FAM222A: variants seen among roughly 807,000 people sequenced by gnomAD.
The protein encoded by FAM222A is protein FAM222A.
A neutral mutation model predicts 25.8 loss-of-function variants in FAM222A; 7 were observed. The observed-to-expected ratio is 0.27, with a 90% confidence interval of 0.15 to 0.51. The LOEUF (loss-of-function observed/expected upper bound fraction) is 0.51, where lower values mean the gene tolerates loss of function less well. FAM222A is among the 20% of genes least tolerant of loss of function. The pLI, the probability that FAM222A is intolerant of heterozygous loss-of-function variation, is 0.97. For missense variants in FAM222A, 573 were observed against 640.5 expected, an observed-to-expected ratio of 0.89 and a Z score of 1.14; for synonymous variants, 294 against 298.8, an observed-to-expected ratio of 0.98 and a Z score of 0.17.
intron 2 of FAM222A, among the ~76,000 whole-genome samples, chr12:109,751,893 T>A (rs961810887): frequency 6.6e-6 from 1 of 152,210 alleles, no homozygotes; most frequent in Non-Finnish European, 1.5e-5. Context: ...CTTTTTTGTT[T>A]AGGGGTTTAG....
chr12:109,725,990 T>C (rs184564020), intron 1 of FAM222A, among the ~76,000 whole-genome samples: 2 of 152,018 alleles, frequency 1.3e-5, no homozygotes, highest in Admixed American at 1.3e-4. Flanking sequence ...AGGGGGACTT[T>C]GTGTAGCAGG....
chr12:109,750,851 A>G (rs1888540390), intron 2 of FAM222A, among the ~76,000 whole-genome samples: 1 of 148,042 alleles, frequency 6.8e-6, no homozygotes, highest in South Asian at 2.2e-4. Context: ...GTCTTCTAAT[A>G]TTGCATGTTG....
Position 109,762,509 on chromosome 12 carries a change from C to T in FAM222A, c.83-5503C>T, listed in dbSNP as rs1888928017. On this transcript the variant is annotated intron_variant, in intron 2 of 2. Transcript: ENST00000538780. Reference sequence around the variant, plus strand: ...GGAGTCACGAAGCCGCAGGCCCCCTCCCCACCATCCTTGCCACTGCTGAGA... The same window carrying T: ...GGAGTCACGAAGCCGCAGGCCCCCTTCCCACCATCCTTGCCACTGCTGAGA... Among the ~76,000 whole-genome samples, 2 of 152,134 alleles carry T rather than the reference C, an allele frequency of 1.3e-5. 1 individual carries two copies. The highest frequency in any genetic ancestry group is 4.1e-4 in the South Asian group (2 of 4,832).
chr12:109,723,176 T>C (rs1592777759), intron 1 of FAM222A, among the ~76,000 whole-genome samples: 2 of 151,880 alleles, frequency 1.3e-5, no homozygotes, highest in Admixed American at 1.3e-4. Context: ...ATGGGAGGGG[T>C]GCAGGCCACT....
chr12:109,737,854 T>C (rs1176001445), intron 1 of FAM222A, among the ~76,000 whole-genome samples: 2 of 152,096 alleles, frequency 1.3e-5, no homozygotes, highest in Non-Finnish European at 1.5e-5. Flanking sequence ...ATTTAATTAT[T>C]AACAGGGTCC....
At chr12:109,749,853 T>C (rs917088569) in intron 2 of FAM222A, among the ~76,000 whole-genome samples, 4 of 152,194 alleles carry the variant, frequency 2.6e-5, no homozygotes, top group Admixed American at 6.5e-5. Flanking sequence ...GGATTCAACT[T>C]TATCTGTTAA....
chr12:109,750,761 T>A (rs1227471852), intron 2 of FAM222A, among the ~76,000 whole-genome samples: 1 of 151,926 alleles, frequency 6.6e-6, no homozygotes, highest in African/African-American at 2.4e-5. Context: ...CTATTGCCTT[T>A]CTACTTGAGT....
Position 109,768,945 on chromosome 12 carries a change from T to A in FAM222A, c.1016T>A (p.Phe339Tyr). 1 of 1,574,452 alleles carries A rather than the reference T, an allele frequency of 6.4e-7. No individual in the cohort carries two copies. Among genetic ancestry groups the A allele is most frequent in the Non-Finnish European group, 8.6e-7 (1 of 1,166,468 alleles). Residue 339 changes from phenylalanine to tyrosine, a missense_variant, in exon 3 of 3, where the codon TTC becomes TAC. This residue lies in a region of FAM222A where 412 missense variants were observed against 407.0 expected (regional missense o/e 1.01). Transcript: ENST00000538780. The part of the protein sequence containing the change: ...LNCGVGLPTS[F>Y]TVGQYFAAPW... ...TGTGGCGTGGGGCTGCCCACCAGCT[T>A]CACCGTAGGCCAGTACTTTGCGGCC...
intron 1 of FAM222A, among the ~76,000 whole-genome samples, chr12:109,729,840 T>C (rs1381804605): frequency 6.7e-6 from 1 of 149,978 alleles, no homozygotes; most frequent in African/African-American, 2.5e-5. Flanking sequence ...AATAAACACA[T>C]ACAATTCATT....
chr12:109,764,013 T>G (rs1888971022), intron 2 of FAM222A, among the ~76,000 whole-genome samples: 1 of 151,996 alleles, frequency 6.6e-6, no homozygotes, highest in Non-Finnish European at 1.5e-5. Flanking sequence ...GAGGGTCACT[T>G]GAGCCCACGA....
chr12:109,766,237 C>T (rs1051265379), intron 2 of FAM222A, among the ~76,000 whole-genome samples: 4 of 152,222 alleles, frequency 2.6e-5, no homozygotes, highest in Non-Finnish European at 5.9e-5. Flanking sequence ...ACCACCACCA[C>T]TCTCCATACC....
In FAM222A at chr12:109,725,652, C is replaced by A. The variant is rs528102805; in HGVS notation, c.-47+10755C>A. 2.6e-5 allele frequency among the ~76,000 whole-genome samples: 4 copies of A among 151,920 alleles called. No individual in the cohort carries two copies. The South Asian group carries it at 8.3e-4, about 32-fold the overall frequency. On this transcript the variant is annotated intron_variant, in intron 1 of 2. Transcript: ENST00000538780. Reference sequence around the variant, plus strand: ...GGCCAGGCACCAGGCAGCCCATTCCCGGCCTGTAGTGATTACCAGCTCCCA... The same window carrying A: ...GGCCAGGCACCAGGCAGCCCATTCCAGGCCTGTAGTGATTACCAGCTCCCA...
intron 1 of FAM222A, among the ~76,000 whole-genome samples, chr12:109,730,952 G>A (rs1011341396): frequency 6.6e-6 from 1 of 152,128 alleles, no homozygotes; most frequent in Non-Finnish European, 1.5e-5. Context: ...CAGTTCACGA[G>A]TGCTACACTG....
At chr12:109,737,816 C>T (rs911576529) in intron 1 of FAM222A, among the ~76,000 whole-genome samples, 3 of 152,254 alleles carry the variant, frequency 2.0e-5, no homozygotes, top group Non-Finnish European at 4.4e-5. Flanking sequence ...TCTGCCTAGC[C>T]GCAGCTCAAA....
At chr12:109,767,740 G>T (rs1276276089) in intron 2 of FAM222A, among the ~76,000 whole-genome samples, 5 of 152,142 alleles carry the variant, frequency 3.3e-5, no homozygotes, top group Non-Finnish European at 7.3e-5. Context: ...TTAGAGACTG[G>T]GAGGGGCCCA....
chr12:109,727,899 T>C (rs561505614), intron 1 of FAM222A, among the ~76,000 whole-genome samples: 20 of 152,266 alleles, frequency 1.3e-4, no homozygotes, highest in African/African-American at 3.6e-4. Flanking sequence ...ATTCTGTCCC[T>C]CAATCGTGGC....
chr12:109,754,752 C>T (rs542684754), intron 2 of FAM222A, among the ~76,000 whole-genome samples: 2 of 151,962 alleles, frequency 1.3e-5, no homozygotes, highest in South Asian at 2.1e-4. Context: ...GCTACAGCCT[C>T]GACCTCCTGG....
At chr12:109,746,447 C>G (rs1888400407) in intron 2 of FAM222A, among the ~76,000 whole-genome samples, 1 of 152,030 alleles carries the variant, frequency 6.6e-6, no homozygotes. Flanking sequence ...CAAGATAGCG[C>G]CACTGCACTC....
chr12:109,727,585 G>C (rs1887866641), intron 1 of FAM222A, among the ~76,000 whole-genome samples: 1 of 152,200 alleles, frequency 6.6e-6, no homozygotes, highest in African/African-American at 2.4e-5. Flanking sequence ...TTCAGGCAAG[G>C]GGCGGTAGTC....
Sources: allele counts gnomAD v4.1 joint callset (sites outside exome capture counted in the v4.1 genomes callset), GRCh38; gene constraint gnomAD v4.1.1; regional missense constraint gnomAD v4.1.1; transcripts MANE v1.5; gene names NCBI Gene and HGNC (gene_info 2026-07-23, HGNC 2026-07-21).